Variants in MERTK observed in about 807,000 individuals in gnomAD.
MERTK encodes the protein tyrosine-protein kinase Mer.
MERTK carries 69 observed loss-of-function variants against 99.3 expected under a neutral mutation model. The observed-to-expected ratio is 0.70, with a 90% CI of 0.57 to 0.85. The LOEUF (loss-of-function observed/expected upper bound fraction) is 0.85. MERTK is among the 40% of genes least tolerant of loss of function. The pLI, the probability that MERTK is intolerant of heterozygous loss-of-function variation, is 0.00. For missense variants in MERTK, 1,125 were observed against 1,249.4 expected (o/e 0.90, Z 1.50); for synonymous variants, 426 against 467.6 (o/e 0.91, Z 1.15).
intron 1 of MERTK, among the ~76,000 whole-genome samples, chr2:111,910,610 G>GTGTGTGTGTGTGTGTATA (rs370882764): frequency 2.1e-5 from 3 of 143,586 alleles, no homozygotes; most frequent in African/African-American, 7.8e-5. Flanking sequence ...GTGTGTGTGT[G>GTGTGTGTGTGTGTGTATA]TATATATATA....
chr2:111,984,719 A>T (rs1352909406), intron 8 of MERTK, among the ~76,000 whole-genome samples: 2 of 152,172 alleles, frequency 1.3e-5, no homozygotes, highest in Non-Finnish European at 2.9e-5. Flanking sequence ...TTCTTCTTTC[A>T]TGAATAATTA....
At chr2:111,966,357 T>C (rs1333717044) in intron 5 of MERTK, among the ~76,000 whole-genome samples, 7 of 152,198 alleles carry the variant, frequency 4.6e-5, no homozygotes, top group Non-Finnish European at 5.9e-5. Flanking sequence ...AAAAGTTCAC[T>C]GGGATAAAAA....
intron 13 of MERTK, among the ~76,000 whole-genome samples, chr2:112,007,576 GGTACTTCAT>G: frequency 6.6e-6 from 1 of 152,096 alleles, no homozygotes; most frequent in Non-Finnish European, 1.5e-5. Context: ...TGACTCTCTA[GGTACTTCAT>G]GTAAGTGGAA....
At position 111,929,353 on chromosome 2, in the gene MERTK, A is replaced by G; in HGVS notation, c.295A>G (p.Thr99Ala). ...CCTACCGCCTCTTGCCTTCAAACACACAGTTGGACACATAATACTTTCTGA... is the reference window on the plus strand; with the variant it reads ...CCTACCGCCTCTTGCCTTCAAACACGCAGTTGGACACATAATACTTTCTGA... ...KPLPPLAFKHTVGHIILSEHK... is the reference protein window; with the variant it reads ...KPLPPLAFKHAVGHIILSEHK... Residue 99 changes from threonine (T) to alanine (A), a missense_variant, in exon 2 of 19, where the codon ACA becomes GCA. Coordinates refer to ENST00000295408, the MANE Select transcript of MERTK (RefSeq NM_006343.3). 6.2e-7 allele frequency: 1 copy of G among 1,614,098 alleles called. No homozygotes were observed. The highest frequency in any genetic ancestry group is 2.2e-5 in the East Asian group (1 of 44,882).
chr2:111,902,788 T>TCCTC (rs199908686), intron 1 of MERTK, among the ~76,000 whole-genome samples: 1 of 51,056 alleles, frequency 2.0e-5, no homozygotes, highest in Non-Finnish European at 3.9e-5. Flanking sequence ...CTTCCTTCCT[T>TCCTC]CCTCCCTCCC....
intron 7 of MERTK, among the ~76,000 whole-genome samples, chr2:111,978,155 G>GT (rs1026087344): frequency 3.0e-3 from 409 of 135,470 alleles, no homozygotes; most frequent in African/African-American, 6.7e-3. Flanking sequence ...GTTGTTTTTT[G>GT]TTTTTTTTTT....
At position 111,961,563 on chromosome 2, in the gene MERTK, A is replaced by T. The variant is rs144395237; in HGVS notation, c.758-3628A>T. ...GAAAATTAAGATACTGTGAAGTAGC[A>T]GTCAAATCCTCTCCATAATACCATG... On this transcript the variant is annotated intron_variant, in intron 4 of 18. Coordinates refer to ENST00000295408, the MANE Select transcript of MERTK (RefSeq NM_006343.3). Among the ~76,000 whole-genome samples the T allele has an allele frequency of 6.4e-3, 981 of 152,334 alleles. 13 individuals are homozygous for T. Among genetic ancestry groups the T allele is most frequent in the African/African-American group, 0.023 (945 of 41,562 alleles).
At chr2:111,972,423 C>T (rs1436008298) in intron 6 of MERTK, among the ~76,000 whole-genome samples, 3 of 152,134 alleles carry the variant, frequency 2.0e-5, no homozygotes, top group Non-Finnish European at 2.9e-5. Context: ...GTCTCAGTGA[C>T]GTGAGGTGGG....
intron 4 of MERTK, among the ~76,000 whole-genome samples, chr2:111,948,185 T>G (rs1684994974): frequency 6.6e-6 from 1 of 152,150 alleles, no homozygotes; most frequent in South Asian, 2.1e-4. Context: ...GTTACCACAC[T>G]CCCTCCCTCC....
At chr2:111,918,202 G>A (rs1315656856) in intron 1 of MERTK, among the ~76,000 whole-genome samples, 1 of 152,198 alleles carries the variant, frequency 6.6e-6, no homozygotes, top group African/African-American at 2.4e-5. Flanking sequence ...ATAGGGAAAA[G>A]TACATCTAGT....
At chr2:111,979,640 G>A (rs1256202884) in intron 7 of MERTK, among the ~76,000 whole-genome samples, 1 of 151,250 alleles carries the variant, frequency 6.6e-6, no homozygotes, top group African/African-American at 2.4e-5. Flanking sequence ...TTTTCAAATT[G>A]GCCTATTTTC....
chr2:111,994,787 A>G (rs79180747), intron 9 of MERTK: 2 of 182,686 alleles, frequency 1.1e-5, no homozygotes, highest in South Asian at 4.7e-5. Context: ...CAAAAAAAGA[A>G]AAAAAAAAAA....
intron 1 of MERTK, among the ~76,000 whole-genome samples, chr2:111,924,549 C>G: frequency 6.6e-6 from 1 of 152,106 alleles, no homozygotes; most frequent in East Asian, 1.9e-4. Flanking sequence ...TGGAAGGTTC[C>G]CACTTCCTGC....
At position 111,994,195 on chromosome 2, in the gene MERTK, C is replaced by T. The variant is rs535062463; in HGVS notation, c.1297-56C>T. 69 of 1,602,064 alleles carry T rather than the reference C, an allele frequency of 4.3e-5. 1 individual carries two copies. Among genetic ancestry groups the T allele is most frequent in the Middle Eastern group, 4.5e-4 (2 of 4,486 alleles). ...CCCTCAGAAGGAACTGTAGATGCAC[C>T]TGCAGTTTGCCCAGACCTCAGTGTT... On this transcript the variant is annotated intron_variant, in intron 8 of 18. Coordinates refer to ENST00000295408, the MANE Select transcript of MERTK (RefSeq NM_006343.3).
At chr2:111,970,213 G>C (rs1034089352) in intron 6 of MERTK, among the ~76,000 whole-genome samples, 2 of 151,410 alleles carry the variant, frequency 1.3e-5, no homozygotes, top group Admixed American at 1.3e-4. Flanking sequence ...CTGGAGTGCA[G>C]TGGTGTGATC....
chr2:111,915,876 C>G (rs1684341674), intron 1 of MERTK, among the ~76,000 whole-genome samples: 1 of 152,154 alleles, frequency 6.6e-6, no homozygotes, highest in African/African-American at 2.4e-5. Context: ...GCCTGGGCAA[C>G]AAGAGCAAAA....
intron 1 of MERTK, among the ~76,000 whole-genome samples, chr2:111,926,020 A>G (rs1013261120): frequency 1.8e-4 from 27 of 151,518 alleles, no homozygotes; most frequent in Non-Finnish European, 3.2e-4. Flanking sequence ...TTTAGTAGAG[A>G]TGGGGTTTCA....
chr2:112,025,262 T>A (rs2104427124), intron 18 of MERTK, among the ~76,000 whole-genome samples: 3 of 152,306 alleles, frequency 2.0e-5, no homozygotes, highest in Admixed American at 2.0e-4. Flanking sequence ...ATGTTCTACC[T>A]GCATCAGCCA....
intron 15 of MERTK, among the ~76,000 whole-genome samples, chr2:112,016,025 C>T (rs1358375687): frequency 6.6e-6 from 1 of 152,128 alleles, no homozygotes; most frequent in Non-Finnish European, 1.5e-5. Context: ...ACTCTGTGCC[C>T]ATCCTTTGCC....
Sources: gnomAD v4.1 joint callset for allele counts (sites outside exome capture counted in the v4.1 genomes callset) on GRCh38, gnomAD v4.1.1 for gene constraint, MANE v1.5 for transcripts, NCBI Gene and HGNC (gene_info 2026-07-23, HGNC 2026-07-21) for gene names.